Variants in NRP2 observed in about 807,000 individuals in gnomAD.
The protein encoded by NRP2 is neuropilin 2, also known as neuropilin-2.
In NRP2, 52 loss-of-function variants were observed where a neutral mutation model predicts 110.4. The ratio of observed to expected loss-of-function variants is 0.47; its 90% CI spans 0.38 to 0.59. NRP2 has a LOEUF of 0.59. NRP2 is among the 20% of genes least tolerant of loss of function. The pLI, the probability that NRP2 is intolerant of heterozygous loss-of-function variation, is 0.00. For synonymous variants in NRP2, 508 were observed against 468.9 expected (o/e 1.08, Z -1.08); for missense variants, 1,049 against 1,203.0 (o/e 0.87, Z 1.89).
At chr2:205,788,543 A>C (rs895610215) in intron 15 of NRP2, among the ~76,000 whole-genome samples, 3 of 149,128 alleles carry the variant, frequency 2.0e-5, no homozygotes, top group African/African-American at 7.6e-5. Flanking sequence ...AAAAGACAAG[A>C]GATCAGGTGC....
intron 15 of NRP2, chr2:205,767,006 TTTAA>T (rs2057933634): frequency 9.7e-6 from 6 of 618,000 alleles, no homozygotes; most frequent in Middle Eastern, 2.7e-4. Context: ...CTGTCTCTTG[TTTAA>T]TTAAAGTTTA....
chr2:205,753,564 A>G (rs1480043405), intron 12 of NRP2, among the ~76,000 whole-genome samples: 1 of 152,194 alleles, frequency 6.6e-6, no homozygotes, highest in African/African-American at 2.4e-5. Flanking sequence ...TTTTAGTTTC[A>G]GAAAGCCAGA....
chr2:205,737,340 T>C (rs919190859), intron 7 of NRP2, among the ~76,000 whole-genome samples: 4 of 152,176 alleles, frequency 2.6e-5, no homozygotes, highest in Admixed American at 2.0e-4. Flanking sequence ...CAAAAAGTCA[T>C]GCGAAGAAAG....
chr2:205,784,457 G>A lies in NRP2; in HGVS notation c.2426-7778G>A, dbSNP rs942370372. Among the ~76,000 whole-genome samples, 14 of 152,224 alleles carry A rather than the reference G, an allele frequency of 9.2e-5. 1 individual carries two copies. The highest frequency in any genetic ancestry group is 9.2e-4 in the Admixed American group (14 of 15,286). On this transcript the variant is annotated intron_variant, in intron 15 of 16. Transcript: ENST00000357785. Reference sequence around the variant, plus strand: ...GCTTCTCTAGGGCAGCCCCACAGCTGGCATTGAGAGTGAGATGGTAGTTAT... The same window carrying A: ...GCTTCTCTAGGGCAGCCCCACAGCTAGCATTGAGAGTGAGATGGTAGTTAT...
chr2:205,750,822 A>ACAGC, intron 11 of NRP2, among the ~76,000 whole-genome samples: 1 of 152,330 alleles, frequency 6.6e-6, no homozygotes, highest in Admixed American at 6.5e-5. Context: ...ACCTGCAAGC[A>ACAGC]CAGCCGTTTG....
chr2:205,732,900 A>G (rs914458905), intron 7 of NRP2, among the ~76,000 whole-genome samples: 1 of 152,174 alleles, frequency 6.6e-6, no homozygotes, highest in African/African-American at 2.4e-5. Flanking sequence ...CTCCTGGCAG[A>G]TGATGGGCTT....
At chr2:205,741,143 C>G (rs1160719566) in intron 8 of NRP2, among the ~76,000 whole-genome samples, 1 of 152,156 alleles carries the variant, frequency 6.6e-6, no homozygotes, top group Non-Finnish European at 1.5e-5. Flanking sequence ...CAAAGGTGGG[C>G]ACAACAGACT....
In NRP2 at chr2:205,683,207, G is replaced by A. The variant is rs2056053103; in HGVS notation, c.-84G>A. On this transcript the variant is annotated 5_prime_UTR_variant, in exon 1 of 17. Coordinates refer to ENST00000357785, the MANE Select transcript of NRP2 (RefSeq NM_003872.3). ...GAAACCTCTGCATAAGACGTTGTAA[G>A]GAGGAAAATAAAAGAGAGAAAAACA... is the stretch of plus-strand genomic sequence containing the variant. 1 of 1,011,512 alleles carries A rather than the reference G, an allele frequency of 9.9e-7. No homozygotes were observed. The allele number at this position is 1,011,512 out of a possible 1,614,324, so 62.7% of individuals were successfully genotyped here.
At chr2:205,721,565 G>T (rs904402462) in intron 3 of NRP2, among the ~76,000 whole-genome samples, 1 of 152,136 alleles carries the variant, frequency 6.6e-6, no homozygotes, top group African/African-American at 2.4e-5. Context: ...GGCATTAAGA[G>T]ATAGGGTGGC....
intron 13 of NRP2, chr2:205,764,225 C>A: frequency 2.3e-6 from 1 of 443,882 alleles, no homozygotes; most frequent in Non-Finnish European, 4.1e-6. Flanking sequence ...GACAAAGGGA[C>A]ACAGAAGCCA....
chr2:205,730,642 C>T (rs980585478), intron 7 of NRP2, among the ~76,000 whole-genome samples: 1 of 152,122 alleles, frequency 6.6e-6, no homozygotes, highest in Non-Finnish European at 1.5e-5. Flanking sequence ...GGAATAGTGA[C>T]ATTTGGGACA....
intron 3 of NRP2, among the ~76,000 whole-genome samples, chr2:205,721,841 A>T (rs1220538983): frequency 1.3e-5 from 2 of 152,150 alleles, no homozygotes; most frequent in Non-Finnish European, 2.9e-5. Context: ...AGCTAAAAAC[A>T]TCGATTGTTA....
chr2:205,715,365 T>A (rs2056873855), intron 2 of NRP2, among the ~76,000 whole-genome samples: 1 of 152,180 alleles, frequency 6.6e-6, no homozygotes. Context: ...AGCACAGGCC[T>A]CCACTTCAGG....
At chr2:205,767,007 T>C in intron 15 of NRP2, 1 of 615,928 alleles carries the variant, frequency 1.6e-6, no homozygotes, top group Non-Finnish European at 2.9e-6. Flanking sequence ...TGTCTCTTGT[T>C]TAATTAAAGT....
chr2:205,758,906 A>G (rs1223978021), intron 12 of NRP2, among the ~76,000 whole-genome samples: 1 of 152,156 alleles, frequency 6.6e-6, no homozygotes, highest in African/African-American at 2.4e-5. Context: ...TCAAGTAAAT[A>G]AAAAAGTAGC....
intron 7 of NRP2, among the ~76,000 whole-genome samples, chr2:205,730,884 G>A (rs2057225460): frequency 2.0e-5 from 3 of 152,218 alleles, no homozygotes; most frequent in Admixed American, 2.0e-4. Flanking sequence ...GCCAGTGGGT[G>A]AGAAAGACTA....
At chr2:205,716,796 T>A (rs1304602086) in intron 3 of NRP2, among the ~76,000 whole-genome samples, 1 of 152,190 alleles carries the variant, frequency 6.6e-6, no homozygotes, top group Non-Finnish European at 1.5e-5. Context: ...TTTCATTGTT[T>A]GGAGTCTCTA....
intron 7 of NRP2, 40 bp from the exon 8 acceptor site, chr2:205,740,479 C>T (rs1290519281): frequency 6.2e-7 from 1 of 1,613,020 alleles, no homozygotes; most frequent in Non-Finnish European, 8.5e-7. Flanking sequence ...GAACTACAAA[C>T]AGGGGTTTCA....
intron 15 of NRP2, among the ~76,000 whole-genome samples, chr2:205,784,512 G>A (rs892002338): frequency 2.0e-5 from 3 of 152,164 alleles, no homozygotes; most frequent in Non-Finnish European, 4.4e-5. Context: ...ACATGGGTGT[G>A]TGAAAGGAGC....
Sources: allele counts gnomAD v4.1 joint callset (sites outside exome capture counted in the v4.1 genomes callset), GRCh38; gene constraint gnomAD v4.1.1; transcripts MANE v1.5; gene names NCBI Gene and HGNC (gene_info 2026-07-23, HGNC 2026-07-21).